Variants in SH3D19 observed in about 807,000 individuals in gnomAD.
The protein encoded by SH3D19 is SH3 domain containing 19.
Under a neutral mutation model 112.1 loss-of-function variants are expected in SH3D19, and 58 were observed. The ratio of observed to expected loss-of-function variants is 0.52; its 90% CI spans 0.42 to 0.64. The LOEUF (loss-of-function observed/expected upper bound fraction) is 0.64, where lower values mean the gene tolerates loss of function less well. Among genes scored for constraint, SH3D19 ranks in the 30% least tolerant of loss-of-function variants. SH3D19 has a pLI of 0.00. For synonymous variants in SH3D19, 391 were observed against 448.5 expected, an observed-to-expected ratio of 0.87 and a Z score of 1.62; for missense variants, 1,090 against 1,263.4, an observed-to-expected ratio of 0.86 and a Z score of 2.08.
chr4:151,164,825 G>A (rs765066845), intron 8 of SH3D19, among the ~76,000 whole-genome samples: 45 of 152,228 alleles, frequency 3.0e-4, no homozygotes, highest in Admixed American at 1.2e-3. Flanking sequence ...TGATCCACCT[G>A]CCTTGGCCTC....
At chr4:151,162,520 T>C (rs539377304) in intron 8 of SH3D19, among the ~76,000 whole-genome samples, 9 of 152,180 alleles carry the variant, frequency 5.9e-5, no homozygotes, top group Non-Finnish European at 1.3e-4. Context: ...ATTAATGCAG[T>C]TTACAAGTGT....
At chr4:151,274,438 C>T (rs1580373491) in intron 1 of SH3D19, among the ~76,000 whole-genome samples, 2 of 152,294 alleles carry the variant, frequency 1.3e-5, no homozygotes, top group Non-Finnish European at 2.9e-5. Flanking sequence ...GACAGTTAAT[C>T]CATGGCCATG....
chr4:151,149,818 T>C (rs773736296), intron 9 of SH3D19, among the ~76,000 whole-genome samples: 4 of 152,156 alleles, frequency 2.6e-5, no homozygotes, highest in Non-Finnish European at 4.4e-5. Context: ...GCAACTGCAC[T>C]GCATGGTCAT....
chr4:151,255,654 A>C (rs1297848068), intron 1 of SH3D19, among the ~76,000 whole-genome samples: 30 of 152,206 alleles, frequency 2.0e-4, no homozygotes, highest in African/African-American at 7.0e-4. Flanking sequence ...CAATCTCGGC[A>C]CTTTGGGAGG....
At chr4:151,302,275 C>T (rs2015425109) in intron 1 of SH3D19, among the ~76,000 whole-genome samples, 1 of 152,196 alleles carries the variant, frequency 6.6e-6, no homozygotes, top group African/African-American at 2.4e-5. Context: ...TACATCTCAC[C>T]AGTTGAATAT....
intron 1 of SH3D19, among the ~76,000 whole-genome samples, chr4:151,241,464 C>T (rs1015321736): frequency 2.0e-5 from 3 of 151,468 alleles, no homozygotes; most frequent in South Asian, 2.1e-4. Flanking sequence ...CTAAAACGTT[C>T]GGGTTTCTTT....
At chr4:151,300,851 T>C (rs1301876395) in intron 1 of SH3D19, among the ~76,000 whole-genome samples, 1 of 152,144 alleles carries the variant, frequency 6.6e-6, no homozygotes, top group Non-Finnish European at 1.5e-5. Flanking sequence ...GCAATGAAGA[T>C]GGAGACAAGT....
At chr4:151,165,748 C>CA (rs1293902839) in intron 7 of SH3D19, 52 bp from the exon 8 acceptor site, 10 of 1,428,768 alleles carry the variant, frequency 7.0e-6, no homozygotes, top group Non-Finnish European at 9.8e-6. Flanking sequence ...TGGACTGAAA[C>CA]AAAAAACCTC....
At chr4:151,157,863 A>T (rs1024221759) in intron 9 of SH3D19, among the ~76,000 whole-genome samples, 4 of 151,372 alleles carry the variant, frequency 2.6e-5, no homozygotes, top group African/African-American at 9.7e-5. Context: ...GCATCTTCTC[A>T]TTCATACATG....
At chr4:151,191,122 G>T (rs1371594879) in intron 2 of SH3D19, among the ~76,000 whole-genome samples, 1 of 152,178 alleles carries the variant, frequency 6.6e-6, no homozygotes, top group Non-Finnish European at 1.5e-5. Flanking sequence ...GGGGACTGTA[G>T]CCCCTTTGTT....
chr4:151,241,773 C>T (rs533925486), intron 1 of SH3D19, among the ~76,000 whole-genome samples: 1 of 151,848 alleles, frequency 6.6e-6, no homozygotes, highest in Admixed American at 6.6e-5. Flanking sequence ...AAAGAATAAC[C>T]CTGATTAAAT....
In SH3D19 at chr4:151,286,601, A is replaced by T. The variant is rs572354668; in HGVS notation, c.112+38640T>A. ...AAGTAAAGAGATTGCATTTGTGATT[A>T]AAAAAAAAAAAAAAACTACGAAGAA... On this transcript the variant is annotated intron_variant, in intron 1 of 19. Transcript: ENST00000604030. 7.8e-3 allele frequency among the ~76,000 whole-genome samples: 1,022 copies of T among 131,750 alleles called. 12 individuals are homozygous for T. Among genetic ancestry groups the T allele is most frequent in the African/African-American group, 0.029 (951 of 33,204 alleles). 86.4% of individuals were successfully genotyped at this position (131,750 alleles called of 152,430 possible).
At chr4:151,150,452 T>C (rs1754852022) in intron 9 of SH3D19, among the ~76,000 whole-genome samples, 1 of 151,554 alleles carries the variant, frequency 6.6e-6, no homozygotes, top group Non-Finnish European at 1.5e-5. Context: ...TTGGTTTTGC[T>C]TTGAATAGGC....
In SH3D19 at chr4:151,207,510, G is replaced by T. The variant is rs140055039; in HGVS notation, c.152+18537C>A. Reference sequence around the variant, plus strand: ...CCCTAAAGGAAGTTGATCACTGTGTGGAAAAATTAGCACTAGTGAAAAGAG... The same window carrying T: ...CCCTAAAGGAAGTTGATCACTGTGTTGAAAAATTAGCACTAGTGAAAAGAG... On this transcript the variant is annotated intron_variant, in intron 2 of 19. Transcript: ENST00000604030. Among the ~76,000 whole-genome samples, 1,137 of 152,286 alleles carry T rather than the reference G, an allele frequency of 7.5e-3. 7 individuals are homozygous for T. Among genetic ancestry groups the T allele is most frequent in the Middle Eastern group, 0.017 (5 of 294 alleles).
At chr4:151,256,131 A>G (rs991417500) in intron 1 of SH3D19, among the ~76,000 whole-genome samples, 1 of 152,008 alleles carries the variant, frequency 6.6e-6, no homozygotes, top group South Asian at 2.1e-4. Flanking sequence ...GTATACTTTA[A>G]TATCATATCA....
chr4:151,148,206 C>T lies in SH3D19; in HGVS notation c.1818-20G>A, dbSNP rs1220883164. On this transcript the variant is annotated intron_variant, in intron 10 of 19. Transcript: ENST00000604030. ...ACAGGTCTGAAAGTCAATGTAGTAG[C>T]CATGAGTCAGTGTTTTGATCAGTAT... 5 of 1,572,066 alleles carry T rather than the reference C, an allele frequency of 3.2e-6. No individual in the cohort carries two copies. The highest frequency in any genetic ancestry group is 1.7e-4 in the Middle Eastern group (1 of 5,806).
intron 1 of SH3D19, among the ~76,000 whole-genome samples, chr4:151,287,736 T>C (rs1287587860): frequency 1.3e-5 from 2 of 152,054 alleles, no homozygotes; most frequent in African/African-American, 4.8e-5. Flanking sequence ...TTCTACAAAA[T>C]ATTTTAAATA....
At chr4:151,223,534 C>T (rs1180033109) in intron 2 of SH3D19, among the ~76,000 whole-genome samples, 7 of 152,152 alleles carry the variant, frequency 4.6e-5, no homozygotes, top group African/African-American at 2.4e-5. Context: ...CCAGAATCCG[C>T]CATTCCTCCA....
chr4:151,286,936 C>T (rs900749767), intron 1 of SH3D19, among the ~76,000 whole-genome samples: 5 of 150,946 alleles, frequency 3.3e-5, no homozygotes, highest in African/African-American at 9.7e-5. Flanking sequence ...GCCGAGATCG[C>T]GCCACTGCAC....
Sources: allele counts gnomAD v4.1 joint callset (sites outside exome capture counted in the v4.1 genomes callset), GRCh38; gene constraint gnomAD v4.1.1; transcripts MANE v1.5; gene names NCBI Gene and HGNC (gene_info 2026-07-23, HGNC 2026-07-21).